The following PDZRN3 variants were observed in gnomAD, a reference collection of about 807,000 sequenced individuals.
PDZRN3 encodes E3 ubiquitin-protein ligase PDZRN3.
In PDZRN3, 38 loss-of-function variants were observed where a neutral mutation model predicts 85.7. The ratio of observed to expected loss-of-function variants is 0.44; its 90% CI spans 0.34 to 0.58. The LOEUF is 0.58. Among genes scored for constraint, PDZRN3 ranks in the 20% least tolerant of loss-of-function variants. The pLI, the probability that PDZRN3 is intolerant of heterozygous loss-of-function variation, is 0.01. For synonymous variants in PDZRN3, 759 were observed against 638.0 expected (o/e 1.19, Z -2.86); for missense variants, 1,629 against 1,506.4 (o/e 1.08, Z -1.35).
chr3:73,507,001 C>T (rs1430879931), intron 3 of PDZRN3, among the ~76,000 whole-genome samples: 3 of 152,096 alleles, frequency 2.0e-5, no homozygotes, highest in African/African-American at 7.2e-5. Flanking sequence ...ACAGCCAGCA[C>T]AGGCATAGGT....
intron 3 of PDZRN3, among the ~76,000 whole-genome samples, chr3:73,458,045 C>A (rs1703023198): frequency 6.6e-6 from 1 of 152,194 alleles, no homozygotes; most frequent in Non-Finnish European, 1.5e-5. Context: ...GAGACAGGCA[C>A]ACAGGGCTCA....
chr3:73,546,574 A>G (rs963584684), intron 3 of PDZRN3, among the ~76,000 whole-genome samples: 4 of 152,232 alleles, frequency 2.6e-5, no homozygotes, highest in African/African-American at 9.6e-5. Context: ...TTCCCCTGCC[A>G]TGGGATTTCA....
At chr3:73,481,860 A>C (rs1200701412) in intron 3 of PDZRN3, among the ~76,000 whole-genome samples, 1 of 152,224 alleles carries the variant, frequency 6.6e-6, no homozygotes, top group Non-Finnish European at 1.5e-5. Flanking sequence ...AGAGAAAAAG[A>C]CAAAAAAAGA....
intron 3 of PDZRN3, among the ~76,000 whole-genome samples, chr3:73,457,967 G>A (rs1005420489): frequency 1.3e-5 from 2 of 152,184 alleles, no homozygotes; most frequent in Non-Finnish European, 2.9e-5. Context: ...TGTTGTTATA[G>A]CAGCCTGACC....
chr3:73,478,180 C>T (rs1460583946), intron 3 of PDZRN3, among the ~76,000 whole-genome samples: 1 of 152,122 alleles, frequency 6.6e-6, no homozygotes, highest in African/African-American at 2.4e-5. Context: ...GGTTTCCAAC[C>T]CCAGGACTGG....
At chr3:73,424,367 CAAAAAA>C (rs66466551) in intron 3 of PDZRN3, among the ~76,000 whole-genome samples, 2 of 54,872 alleles carry the variant, frequency 3.6e-5, no homozygotes, top group African/African-American at 7.4e-5. Flanking sequence ...CCGTCTCTAC[CAAAAAA>C]AAAAAAAAAA....
chr3:73,556,215 G>T (rs910085529), intron 3 of PDZRN3, among the ~76,000 whole-genome samples: 1 of 151,988 alleles, frequency 6.6e-6, no homozygotes, highest in Non-Finnish European at 1.5e-5. Flanking sequence ...ATCTATGAAA[G>T]TTTTTCATTT....
intron 3 of PDZRN3, among the ~76,000 whole-genome samples, chr3:73,527,630 G>C (rs1233844693): frequency 6.6e-6 from 1 of 151,954 alleles, no homozygotes; most frequent in East Asian, 1.9e-4. Context: ...AGAATTCTCA[G>C]GTCTATGAAT....
chr3:73,448,126 G>A (rs1702787239), intron 3 of PDZRN3, among the ~76,000 whole-genome samples: 1 of 152,068 alleles, frequency 6.6e-6, no homozygotes, highest in Non-Finnish European at 1.5e-5. Flanking sequence ...CCGTAAATAA[G>A]CACCTACCAT....
At chr3:73,555,189 G>T (rs959822463) in intron 3 of PDZRN3, among the ~76,000 whole-genome samples, 1 of 152,034 alleles carries the variant, frequency 6.6e-6, no homozygotes, top group African/African-American at 2.4e-5. Flanking sequence ...CATAATCACT[G>T]ACATTTTTAA....
intron 1 of PDZRN3, among the ~76,000 whole-genome samples, chr3:73,613,416 G>A (rs1422042053): frequency 2.0e-5 from 3 of 152,154 alleles, no homozygotes; most frequent in Admixed American, 6.5e-5. Context: ...AACAGGATAG[G>A]AGAAACATCA....
chr3:73,508,129 CTCT>C (rs1439903021), intron 3 of PDZRN3, among the ~76,000 whole-genome samples: 1 of 152,132 alleles, frequency 6.6e-6, no homozygotes, highest in East Asian at 1.9e-4. Flanking sequence ...CCTGTTCCCA[CTCT>C]TCACAATAGG....
intron 3 of PDZRN3, among the ~76,000 whole-genome samples, chr3:73,463,586 A>G (rs2062986341): frequency 6.6e-6 from 1 of 152,250 alleles, no homozygotes; most frequent in African/African-American, 2.4e-5. Context: ...TGGGGAGTGT[A>G]AATTAGTGCA....
intron 3 of PDZRN3, among the ~76,000 whole-genome samples, chr3:73,457,652 G>A (rs1703013806): frequency 1.3e-5 from 2 of 152,118 alleles, no homozygotes; most frequent in South Asian, 2.1e-4. Flanking sequence ...TAGTCTGAAT[G>A]TATGTGTCTC....
intron 3 of PDZRN3, among the ~76,000 whole-genome samples, chr3:73,598,075 A>G (rs983660743): frequency 1.3e-5 from 2 of 152,222 alleles, no homozygotes; most frequent in Admixed American, 6.5e-5. Flanking sequence ...AACTTTCAGT[A>G]GAGTAAGATT....
At chr3:73,608,568 AG>A in intron 2 of PDZRN3, 29 bp downstream of exon 2, 1 of 1,478,478 alleles carries the variant, frequency 6.8e-7, no homozygotes, top group Non-Finnish European at 9.5e-7. Flanking sequence ...CACCAGGAAA[AG>A]GAAAAACACA....
At chr3:73,398,020 C>A (rs1199178882) in intron 5 of PDZRN3, among the ~76,000 whole-genome samples, 1 of 152,126 alleles carries the variant, frequency 6.6e-6, no homozygotes, top group Non-Finnish European at 1.5e-5. Context: ...TAGGGCCAAA[C>A]AGTATATTTA....
At chr3:73,457,521 C>T (rs1703010072) in intron 3 of PDZRN3, among the ~76,000 whole-genome samples, 1 of 152,054 alleles carries the variant, frequency 6.6e-6, no homozygotes, top group African/African-American at 2.4e-5. Context: ...CAGCCATACT[C>T]CTAGGGTGCG....
rs765290379 is a variant in PDZRN3 at position 73,388,044 on chromosome 3, C to A, written c.1442G>T (p.Arg481Leu). The A allele has an allele frequency of 1.5e-6, 2 of 1,328,532 alleles. No individual in the cohort carries two copies. The highest frequency in any genetic ancestry group is 1.0e-6 in the Non-Finnish European group (1 of 974,052). 82.3% of individuals were successfully genotyped at this position (1,328,532 alleles called of 1,614,324 possible). ...GGTTAGAAGAGCCACAGCCTCTTCA[C>A]GGTTCTGCACCTCTATCCCATTAAT... ...IQINGIEVQN[R>L]EEAVALLTSE... The change falls in exon 8 of 10, where the codon CGT (arginine) becomes CTT (leucine). Residue 481 changes from arginine (R) to leucine (L), a missense_variant. Physicochemically the swap from Arg to Leu is moderately radical, Grantham distance 102. Coordinates refer to ENST00000263666, the MANE Select transcript of PDZRN3 (RefSeq NM_015009.3).
Sources: gnomAD v4.1 joint callset for allele counts (sites outside exome capture counted in the v4.1 genomes callset) on GRCh38, gnomAD v4.1.1 for gene constraint, MANE v1.5 for transcripts, NCBI Gene and HGNC (gene_info 2026-07-23, HGNC 2026-07-21) for gene names.